The following BDH1 variants were observed in gnomAD, a reference collection of about 807,000 sequenced individuals.
The protein encoded by BDH1 is D-beta-hydroxybutyrate dehydrogenase, mitochondrial.
Under a neutral mutation model 33.1 loss-of-function variants are expected in BDH1, and 30 were observed. That is an observed-to-expected ratio of 0.91 (90% CI 0.68 to 1.23). The LOEUF is 1.23. Ranked by LOEUF, BDH1 falls within the 50% of genes most tolerant of loss-of-function variation. The pLI is 0.00. For missense variants in BDH1, 443 were observed against 464.4 expected, an observed-to-expected ratio of 0.95 and a Z score of 0.42; for synonymous variants, 190 against 183.6, an observed-to-expected ratio of 1.03 and a Z score of -0.28.
intron 6 of BDH1, among the ~76,000 whole-genome samples, chr3:197,519,132 C>T (rs949805004): frequency 1.3e-5 from 2 of 151,930 alleles, no homozygotes; most frequent in African/African-American, 4.8e-5. Flanking sequence ...GCTCTGTGGT[C>T]TCCATCCCAC....
intron 2 of BDH1, among the ~76,000 whole-genome samples, chr3:197,548,824 CT>C (rs1172087666): frequency 6.6e-6 from 1 of 151,718 alleles, no homozygotes; most frequent in East Asian, 1.9e-4. Flanking sequence ...GCACTCCAGC[CT>C]GGGTGACAGA....
At chr3:197,561,851 T>C (rs1191199492) in intron 1 of BDH1, among the ~76,000 whole-genome samples, 4 of 152,094 alleles carry the variant, frequency 2.6e-5, no homozygotes, top group African/African-American at 9.7e-5. Context: ...AAAAAAAAAA[T>C]ATTTATTTCA....
intron 7 of BDH1, among the ~76,000 whole-genome samples, chr3:197,512,584 G>A (rs1712193906): frequency 6.6e-6 from 1 of 152,236 alleles, no homozygotes; most frequent in Non-Finnish European, 1.5e-5. Context: ...GGGAGGACAA[G>A]TGAGTGAGAA....
chr3:197,558,248 C>T (rs1717141246), upstream of BDH1, among the ~76,000 whole-genome samples: 1 of 152,220 alleles, frequency 6.6e-6, no homozygotes, highest in South Asian at 2.1e-4. Flanking sequence ...GTCTCTGGCA[C>T]TGCAACCTGG....
At chr3:197,553,107 G>A (rs943159794) in intron 2 of BDH1, among the ~76,000 whole-genome samples, 2 of 151,850 alleles carry the variant, frequency 1.3e-5, no homozygotes, top group Admixed American at 6.6e-5. Context: ...TAGTAGAGAC[G>A]GAGTTTCACC....
chr3:197,516,885 C>T lies in BDH1; in HGVS notation c.410-2469G>A, dbSNP rs1712788005. ...TTAACTTCCCTGATCCTCACAACCACCCTGGAAAATAGATCCTAAATTGTC... is the reference window on the plus strand; with the variant it reads ...TTAACTTCCCTGATCCTCACAACCATCCTGGAAAATAGATCCTAAATTGTC... On this transcript the variant is annotated intron_variant, in intron 6 of 7. Coordinates refer to ENST00000392379, the MANE Select transcript of BDH1 (RefSeq NM_203314.3). This position sits in a 1 kb window ranked among gnomAD's most constrained non-coding sequence, Gnocchi z 4.2. Among the ~76,000 whole-genome samples the T allele has an allele frequency of 6.6e-6, 1 of 152,046 alleles. No homozygotes were observed. The highest frequency in any genetic ancestry group is 2.1e-4 in the South Asian group (1 of 4,830).
At chr3:197,535,343 A>T (rs2567326) in intron 3 of BDH1, among the ~76,000 whole-genome samples, 16 of 152,216 alleles carry the variant, frequency 1.1e-4, no homozygotes, top group Admixed American at 3.9e-4. Flanking sequence ...GGTAGGCAAA[A>T]TTTTTCTCCT....
At chr3:197,540,711 A>G (rs1418468252) in intron 3 of BDH1, among the ~76,000 whole-genome samples, 1 of 152,146 alleles carries the variant, frequency 6.6e-6, no homozygotes, top group Non-Finnish European at 1.5e-5. Flanking sequence ...TCTAGGCAAG[A>G]GAGCTTATTT....
intron 4 of BDH1, among the ~76,000 whole-genome samples, chr3:197,532,953 G>A (rs114384832): frequency 0.011 from 1,647 of 152,226 alleles, 39 homozygotes; most frequent in African/African-American, 0.038. Flanking sequence ...TCGGCTCACC[G>A]CAAAACCTTC....
Position 197,533,481 on chromosome 3 carries a change from C to T in BDH1, c.156+8G>A. The T allele has an allele frequency of 6.8e-6, 11 of 1,614,152 alleles. No individual in the cohort carries two copies. Among genetic ancestry groups the T allele is most frequent in the Non-Finnish European group, 9.3e-6 (11 of 1,179,962 alleles). The stretch of plus-strand genomic sequence containing the variant: ...AACTGGCTCCCGGGTAGCTGGGCTT[C>T]CACTCACCGGCTCCGCCGCACTGGC... On this transcript the variant is annotated splice_region_variant and intron_variant, in intron 4 of 7. Coordinates refer to ENST00000392379, the MANE Select transcript of BDH1 (RefSeq NM_203314.3).
intron 1 of BDH1, among the ~76,000 whole-genome samples, chr3:197,570,285 A>C (rs1314438247): frequency 6.6e-6 from 1 of 152,250 alleles, no homozygotes; most frequent in Admixed American, 6.5e-5. Flanking sequence ...AACAGAACAT[A>C]AAAGTTTGGA....
intron 3 of BDH1, among the ~76,000 whole-genome samples, chr3:197,536,766 C>T (rs942469031): frequency 1.3e-5 from 2 of 152,098 alleles, no homozygotes; most frequent in African/African-American, 4.8e-5. Flanking sequence ...TCACTTGAAC[C>T]CAGGAGGCGG....
At chr3:197,527,192 C>A (rs538866752) in intron 5 of BDH1, among the ~76,000 whole-genome samples, 1 of 152,326 alleles carries the variant, frequency 6.6e-6, no homozygotes, top group South Asian at 2.1e-4. Context: ...CGAGCCTGGG[C>A]ACTGTGATGT....
At position 197,543,160 on chromosome 3, in the gene BDH1, T is replaced by C. The variant is rs181940413; in HGVS notation, c.83+3201A>G. ...TGCTGAGAGGAGCCATGAGTCCATT[T>C]GAATCTAACAAGACGGGGCTTAGGA... On this transcript the variant is annotated intron_variant, in intron 3 of 7. Transcript: ENST00000392379. 4,868 of 985,372 alleles carry C rather than the reference T, an allele frequency of 4.9e-3. 13 individuals carry two copies. The highest frequency in any genetic ancestry group is 5.5e-3 in the Non-Finnish European group (4,530 of 829,900). The allele number at this position is 985,372 out of a possible 1,614,324, so 61.0% of individuals were successfully genotyped here. A position where few individuals can be genotyped will look rare whatever the true frequency, so the allele number is the denominator to read the frequency against.
chr3:197,548,012 C>T (rs144686789), intron 2 of BDH1, among the ~76,000 whole-genome samples: 241 of 152,342 alleles, frequency 1.6e-3, no homozygotes, highest in African/African-American at 5.6e-3. Flanking sequence ...CTCAGTGACA[C>T]CAGGAATCCT....
rs772282185 is a variant in BDH1, at chr3:197,522,784, G to T, written c.268-3C>A. 1 of 1,613,504 alleles carries T rather than the reference G, an allele frequency of 6.2e-7. No homozygotes were observed. The highest frequency in any genetic ancestry group is 8.5e-7 in the Non-Finnish European group (1 of 1,179,662). On this transcript the variant is annotated splice_polypyrimidine_tract_variant and splice_region_variant and intron_variant, in intron 5 of 7. Transcript: ENST00000392379. The surrounding 1 kb of genome is among the most constrained non-coding windows in gnomAD (Gnocchi z 4.8). ...TTGACCCCATCATGGCCTTTGTCCTGGGGAGGAGAGAAGAGCTGCTTCTAC... is the reference window on the plus strand; with the variant it reads ...TTGACCCCATCATGGCCTTTGTCCTTGGGAGGAGAGAAGAGCTGCTTCTAC...
intron 5 of BDH1, chr3:197,529,288 CT>C (rs1714429156): frequency 6.6e-6 from 1 of 152,228 alleles, no homozygotes; most frequent in South Asian, 2.1e-4. Context: ...CTCACCCAGG[CT>C]TTGTTAATAC....
intron 4 of BDH1, 32 bp downstream of exon 4, chr3:197,533,457 A>G (rs762216905): frequency 3.0e-5 from 49 of 1,609,216 alleles, no homozygotes; most frequent in Non-Finnish European, 3.7e-5. Flanking sequence ...TGACCATCCA[A>G]CTGGCTCCCG....
In BDH1 at chr3:197,538,496, C is replaced by G. The variant is rs1715337243; in HGVS notation, c.84-4935G>C. ...CCTCCTGAGTAGCCGGGACTACAGG[C>G]TTGCATCACCACACCTGGCCAATTT... On this transcript the variant is annotated intron_variant, in intron 3 of 7. Coordinates refer to ENST00000392379, the MANE Select transcript of BDH1 (RefSeq NM_203314.3). 7.4e-6 allele frequency: 3 copies of G among 408,110 alleles called. No individual in the cohort carries two copies. In the Admixed American group the frequency reaches 8.0e-5, roughly 11 times the overall value. The allele number at this position is 408,110 out of a possible 1,614,324, so 25.3% of individuals were successfully genotyped here.
Sources: allele counts gnomAD v4.1 joint callset (sites outside exome capture counted in the v4.1 genomes callset), GRCh38; gene constraint gnomAD v4.1.1; non-coding constraint Gnocchi (gnomAD v3.1); transcripts MANE v1.5; gene names NCBI Gene and HGNC (gene_info 2026-07-23, HGNC 2026-07-21).